SYNE2: variants seen among roughly 807,000 people sequenced by gnomAD.
SYNE2 encodes spectrin repeat containing nuclear envelope protein 2.
A neutral mutation model predicts 856.3 loss-of-function variants in SYNE2; 431 were observed. The observed-to-expected ratio is 0.50, with a 90% CI of 0.47 to 0.55. The LOEUF is 0.55. Ranked by LOEUF, SYNE2 falls within the 20% of genes least tolerant of loss-of-function variation. The probability of loss-of-function intolerance (pLI) is 0.00; values close to 1 mark genes in which losing one functional copy is unlikely to be tolerated. For synonymous variants in SYNE2, 2,923 were observed against 2,872.3 expected (o/e 1.02, Z -0.56); for missense variants, 8,129 against 8,023.2 (o/e 1.01, Z -0.50).
intron 1 of SYNE2, among the ~76,000 whole-genome samples, chr14:63,779,833 C>A (rs1887245122): frequency 6.6e-6 from 1 of 152,040 alleles, no homozygotes; most frequent in African/African-American, 2.4e-5. Flanking sequence ...ATCGCTTGAA[C>A]TGGGGCTTGA....
chr14:63,874,253 A>C (rs1057231275), intron 1 of SYNE2, among the ~76,000 whole-genome samples: 2 of 152,208 alleles, frequency 1.3e-5, no homozygotes, highest in African/African-American at 4.8e-5. Context: ...AAAAAGACGT[A>C]AACATTTAAA....
chr14:64,216,415 G>C, intron 108 of SYNE2, 28 bp downstream of exon 108: 1 of 1,611,078 alleles, frequency 6.2e-7, no homozygotes, highest in Non-Finnish European at 8.5e-7. Context: ...TGGGAGTACA[G>C]CCTATGTCTG....
chr14:64,170,170 A>G (rs1054085246), intron 93 of SYNE2, 58 bp from the exon 94 acceptor site: 4 of 1,540,776 alleles, frequency 2.6e-6, no homozygotes. Flanking sequence ...TTACCCACTG[A>G]TAGTTATTTT....
chr14:64,219,095 AGTTTTTTT>A (rs1407404729), intron 109 of SYNE2, 105 bp from the exon 110 acceptor site: 47 of 822,342 alleles, frequency 5.7e-5, no homozygotes, highest in African/African-American at 1.2e-4. Flanking sequence ...AATCCCCTAC[AGTTTTTTT>A]GTTTTTTTTT....
chr14:63,979,002 G>T lies in SYNE2; in HGVS notation c.1557G>T (p.Leu519=). The T allele has an allele frequency of 3.1e-6, 5 of 1,613,720 alleles. No homozygotes were observed. Among genetic ancestry groups the T allele is most frequent in the Non-Finnish European group, 4.2e-6 (5 of 1,179,800 alleles). The change falls in exon 14 of 116, where the codon CTG becomes CTT. Residue 519 remains leucine (L), a synonymous_variant. Transcript: ENST00000555002. ...YGSRESVELL[L]EDWHKFIEEK... is the part of the protein sequence containing the mutation. ...GCAGAGAATCTGTGGAATTATTGCT[G>T]GAAGACTGGCATGTAAGCTTTTCAA...
At chr14:64,103,353 C>CTT (rs61101192) in intron 64 of SYNE2, among the ~76,000 whole-genome samples, 58 of 138,974 alleles carry the variant, frequency 4.2e-4, no homozygotes, top group South Asian at 1.2e-3. Context: ...TCTCCATAAT[C>CTT]TTTTTTTTTT....
At position 64,223,592 on chromosome 14, in the gene SYNE2, G is replaced by A. The variant is rs113040005; in HGVS notation, c.20382+212G>A. 6.4e-3 allele frequency among the ~76,000 whole-genome samples: 952 copies of A among 148,794 alleles called. 9 individuals are homozygous for A. Among genetic ancestry groups the A allele is most frequent in the African/African-American group, 0.022 (876 of 40,658 alleles). On this transcript the variant is annotated intron_variant, in intron 113 of 115. Coordinates refer to ENST00000555002, the MANE Select transcript of SYNE2 (RefSeq NM_182914.3). ...TTTGTCATTTTTAAAAGGGAGTGGC[G>A]GGATGACAATTTTTAAACTTTTTTT...
intron 1 of SYNE2, among the ~76,000 whole-genome samples, chr14:63,805,560 T>G (rs1254658940): frequency 6.6e-6 from 1 of 152,170 alleles, no homozygotes; most frequent in Non-Finnish European, 1.5e-5. Context: ...GCTAATTTTT[T>G]GTATTTTTGG....
At chr14:64,206,551 A>T (rs149895312) in intron 100 of SYNE2, among the ~76,000 whole-genome samples, 47 of 151,672 alleles carry the variant, frequency 3.1e-4, no homozygotes, top group African/African-American at 1.1e-3. Flanking sequence ...AAAAGTTTTG[A>T]AAATGTTTGG....
chr14:63,895,179 A>G (rs2153281315), intron 1 of SYNE2, among the ~76,000 whole-genome samples: 1 of 148,954 alleles, frequency 6.7e-6, no homozygotes, highest in East Asian at 2.0e-4. Flanking sequence ...ATCTTGGCTC[A>G]CTGCAACCTC....
intron 1 of SYNE2, among the ~76,000 whole-genome samples, chr14:63,811,185 A>G (rs1387425813): frequency 6.6e-6 from 1 of 152,246 alleles, no homozygotes; most frequent in Middle Eastern, 3.4e-3. Flanking sequence ...GCATGAGTTT[A>G]ATAAGAATCT....
chr14:63,762,435 CAAA>C (rs71120281), intron 1 of SYNE2, among the ~76,000 whole-genome samples: 1 of 64,174 alleles, frequency 1.6e-5, no homozygotes. Context: ...AACTCCATCT[CAAA>C]AAAAAAAAAA....
chr14:63,850,245 C>CTTTTTTT (rs34763098), upstream of SYNE2, among the ~76,000 whole-genome samples: 2 of 112,522 alleles, frequency 1.8e-5, 1 homozygote. Context: ...CCACACCTAG[C>CTTTTTTT]TTTTTTTTTT....
intron 48 of SYNE2, among the ~76,000 whole-genome samples, chr14:64,054,868 C>A (rs1433014238): frequency 6.6e-6 from 1 of 152,134 alleles, no homozygotes; most frequent in East Asian, 1.9e-4. Context: ...TTATGAGATA[C>A]TATATCTGGA....
At chr14:63,952,562 C>G (rs561954398) in intron 7 of SYNE2, among the ~76,000 whole-genome samples, 3 of 152,360 alleles carry the variant, frequency 2.0e-5, no homozygotes, top group African/African-American at 7.2e-5. Flanking sequence ...CCTGTACTTT[C>G]TAACTGGTGA....
rs540209778 is a variant in SYNE2, at chr14:63,901,667, G to A, written c.-51-7431G>A. On this transcript the variant is annotated intron_variant, in intron 1 of 115. Coordinates refer to ENST00000555002, the MANE Select transcript of SYNE2 (RefSeq NM_182914.3). The stretch of plus-strand genomic sequence containing the variant: ...CAGCTGGCTGCAATTGCTCACATCT[G>A]TAATCCCAGGACTTTGGGAGGTGAG... Among the ~76,000 whole-genome samples the A allele has an allele frequency of 2.0e-5, 3 of 152,334 alleles. No individual in the cohort carries two copies. In the South Asian group the frequency reaches 6.2e-4, roughly 32 times the overall value.
Position 63,835,941 on chromosome 14 carries a change from C to A in SYNE2, c.-304-16560C>A, listed in dbSNP as rs1204420697. 2.0e-5 allele frequency among the ~76,000 whole-genome samples: 3 copies of A among 149,190 alleles called. No individual in the cohort carries two copies. In the East Asian group the frequency reaches 5.8e-4, roughly 29 times the overall value. On this transcript the variant is annotated intron_variant, in intron 1 of 23. Transcript: ENST00000674003. ...GAGGTTGCAGTGAGCTGAGATCGTGCCGTTGCACTCCAGCCTGGGAAACAA... is the reference window on the plus strand; with the variant it reads ...GAGGTTGCAGTGAGCTGAGATCGTGACGTTGCACTCCAGCCTGGGAAACAA...
chr14:64,214,664 G>A, intron 106 of SYNE2, 194 bp downstream of exon 106: 1 of 617,564 alleles, frequency 1.6e-6, no homozygotes, highest in Admixed American at 2.9e-5. Flanking sequence ...CAGGTGGAAT[G>A]AAAGGGGGAA....
Position 63,769,718 on chromosome 14 carries a change from TAA to T in SYNE2, c.-305+7746_-305+7747del, listed in dbSNP as rs35285205. ...GGGCAACAAGGTGAAACCCTGTCTCTAAAAAAAAAAAAAAAGAAAGAAAAAGA... is the reference window on the plus strand; with the variant it reads ...GGGCAACAAGGTGAAACCCTGTCTCTAAAAAAAAAAAAAGAAAGAAAAAGA... On this transcript the variant is annotated intron_variant, in intron 1 of 23. Transcript: ENST00000674003. 2.8e-3 allele frequency among the ~76,000 whole-genome samples: 334 copies of T among 120,770 alleles called. 1 individual carries two copies. Among genetic ancestry groups the T allele is most frequent in the East Asian group, 7.6e-3 (30 of 3,958 alleles). 79.2% of individuals were successfully genotyped at this position (120,770 alleles called of 152,430 possible). A position where few individuals can be genotyped will look rare whatever the true frequency, so the allele number is the denominator to read the frequency against.
Sources: gnomAD v4.1 joint callset for allele counts (sites outside exome capture counted in the v4.1 genomes callset) on GRCh38, gnomAD v4.1.1 for gene constraint, MANE v1.5 for transcripts, NCBI Gene and HGNC (gene_info 2026-07-23, HGNC 2026-07-21) for gene names.